Variants in MICAL3 observed in about 807,000 individuals in gnomAD.
MICAL3 encodes the protein microtubule associated monooxygenase, calponin and LIM domain containing 3.
Under a neutral mutation model 207.4 loss-of-function variants are expected in MICAL3, and 62 were observed. That is an observed-to-expected ratio of 0.30 (90% CI 0.24 to 0.37). The LOEUF (loss-of-function observed/expected upper bound fraction) is 0.37, where lower values mean the gene tolerates loss of function less well. MICAL3 is among the 10% of genes least tolerant of loss of function. The probability of loss-of-function intolerance (pLI) is 1.00; values close to 1 mark genes in which losing one functional copy is unlikely to be tolerated. For synonymous variants in MICAL3, 1,077 were observed against 1,069.3 expected, an observed-to-expected ratio of 1.01 and a Z score of -0.14; for missense variants, 2,368 against 2,635.6, an observed-to-expected ratio of 0.90 and a Z score of 2.22.
At chr22:17,809,054 G>A in intron 28 of MICAL3, 117 bp from the exon 29 acceptor site, 1 of 853,568 alleles carries the variant, frequency 1.2e-6, no homozygotes, top group South Asian at 1.7e-5. Context: ...AAGGGCTCTA[G>A]TCTGTGGGCG....
intron 1 of MICAL3, among the ~76,000 whole-genome samples, chr22:18,022,108 G>GT (rs1602412661): frequency 6.6e-6 from 1 of 152,106 alleles, no homozygotes; most frequent in African/African-American, 2.4e-5. Context: ...CTTAGTCATT[G>GT]TGAACTCGCT....
chr22:17,931,665 A>G (rs1240478155), intron 1 of MICAL3, among the ~76,000 whole-genome samples: 1 of 152,128 alleles, frequency 6.6e-6, no homozygotes, highest in Admixed American at 6.5e-5. Context: ...GCATCCCCAA[A>G]TGGGCAGAAA....
At position 17,902,824 on chromosome 22, in the gene MICAL3, C is replaced by T; in HGVS notation, c.473-77G>A. The T allele has an allele frequency of 2.4e-6, 2 of 837,906 alleles. No individual in the cohort carries two copies. Among genetic ancestry groups the T allele is most frequent in the Non-Finnish European group, 3.9e-6 (2 of 511,062 alleles). 51.9% of individuals were successfully genotyped at this position (837,906 alleles called of 1,614,324 possible). A position where few individuals can be genotyped will look rare whatever the true frequency, so the allele number is the denominator to read the frequency against. ...CCATCCGTGTCGCAGCTCAGGCTCC[C>T]ACCCCGCCACCTACGCCCCCTTCAT... is the stretch of plus-strand genomic sequence containing the variant. On this transcript the variant is annotated intron_variant, in intron 3 of 31. Coordinates refer to ENST00000441493, the MANE Select transcript of MICAL3 (RefSeq NM_015241.3). This position sits in a 1 kb window ranked among gnomAD's most constrained non-coding sequence, Gnocchi z 4.5.
intron 16 of MICAL3, among the ~76,000 whole-genome samples, chr22:17,877,356 G>A (rs1227617455): frequency 1.8e-5 from 2 of 112,860 alleles, no homozygotes; most frequent in Non-Finnish European, 3.4e-5. Context: ...GGTTAGGGAG[G>A]TTATGGAGGT....
chr22:17,855,998 G>C (rs1190799103), intron 19 of MICAL3, among the ~76,000 whole-genome samples: 1 of 152,244 alleles, frequency 6.6e-6, no homozygotes, highest in African/African-American at 2.4e-5. Flanking sequence ...TAACTCCTAT[G>C]TGCCTGTTTC....
At chr22:17,792,675 C>A (rs563453934) in intron 29 of MICAL3, among the ~76,000 whole-genome samples, 1 of 152,322 alleles carries the variant, frequency 6.6e-6, no homozygotes, top group South Asian at 2.1e-4. Flanking sequence ...CAGAAATGCA[C>A]CATGTTCAAC....
chr22:17,891,146 G>A (rs539762060), intron 12 of MICAL3, among the ~76,000 whole-genome samples: 41 of 152,116 alleles, frequency 2.7e-4, no homozygotes, highest in Non-Finnish European at 5.3e-4. Flanking sequence ...GAGTTCAACC[G>A]GGGCCAATAA....
chr22:17,883,269 G>A (rs1156678195), intron 16 of MICAL3, among the ~76,000 whole-genome samples: 1 of 152,190 alleles, frequency 6.6e-6, no homozygotes, highest in Non-Finnish European at 1.5e-5. Flanking sequence ...CTTCTGTCGT[G>A]AGTTTGGACA....
chr22:17,857,634 T>G (rs1011470530), intron 19 of MICAL3, among the ~76,000 whole-genome samples: 11 of 152,024 alleles, frequency 7.2e-5, no homozygotes, highest in African/African-American at 2.7e-4. Flanking sequence ...CAGAAAGAAA[T>G]AGAGATAAAG....
At chr22:17,958,332 CAG>C (rs1176997244) in intron 1 of MICAL3, among the ~76,000 whole-genome samples, 1 of 152,202 alleles carries the variant, frequency 6.6e-6, no homozygotes, top group African/African-American at 2.4e-5. Context: ...TAAAAACCGT[CAG>C]AGAGACTGAG....
At chr22:17,956,281 G>C (rs1077543) in intron 1 of MICAL3, among the ~76,000 whole-genome samples, 1 of 151,968 alleles carries the variant, frequency 6.6e-6, no homozygotes, top group Non-Finnish European at 1.5e-5. Context: ...ACAGACAGTT[G>C]CAGAAAGGGG....
intron 16 of MICAL3, among the ~76,000 whole-genome samples, chr22:17,879,899 C>A (rs186929016): frequency 9.2e-5 from 14 of 152,262 alleles, no homozygotes; most frequent in African/African-American, 3.1e-4. Context: ...GCATAATTTA[C>A]TAAAGGGAGA....
intron 1 of MICAL3, among the ~76,000 whole-genome samples, chr22:18,017,277 A>G (rs1924121196): frequency 6.6e-6 from 1 of 151,646 alleles, no homozygotes; most frequent in Non-Finnish European, 1.5e-5. Flanking sequence ...GCAATGGCGC[A>G]ATCTCGGCTC....
At chr22:17,915,275 G>A (rs1361399774) in intron 1 of MICAL3, among the ~76,000 whole-genome samples, 1 of 152,206 alleles carries the variant, frequency 6.6e-6, no homozygotes, top group Non-Finnish European at 1.5e-5. Context: ...CACAGCAGGT[G>A]CTCAATAAGG....
At chr22:17,949,665 T>A (rs1934238016) in intron 1 of MICAL3, among the ~76,000 whole-genome samples, 1 of 152,204 alleles carries the variant, frequency 6.6e-6, no homozygotes, top group South Asian at 2.1e-4. Context: ...ATGGGGACTG[T>A]CAGTCAATCT....
At position 17,789,667 on chromosome 22, in the gene MICAL3, A is replaced by C. The variant is rs1385632573; in HGVS notation, c.*1065T>G. The C allele has an allele frequency of 6.6e-6, 1 of 152,282 alleles. No individual in the cohort carries two copies. The highest frequency in any genetic ancestry group is 2.4e-5 in the African/African-American group (1 of 41,474). The allele number at this position is 152,282 out of a possible 1,614,324, so 9.4% of individuals were successfully genotyped here. A position where few individuals can be genotyped will look rare whatever the true frequency, so the allele number is the denominator to read the frequency against. On this transcript the variant is annotated 3_prime_UTR_variant, in exon 32 of 32. Coordinates refer to ENST00000441493, the MANE Select transcript of MICAL3 (RefSeq NM_015241.3). ...GCCAGTGATACGAAGAGAAAGGCTA[A>C]TAAATAGATGCACGTGAGGAGCACC...
intron 1 of MICAL3, among the ~76,000 whole-genome samples, chr22:18,014,116 GACACACAC>G (rs35404796): frequency 6.8e-6 from 1 of 147,934 alleles, no homozygotes; most frequent in Non-Finnish European, 1.5e-5. Context: ...CCCTCTCTTA[GACACACAC>G]ACACACACAC....
chr22:17,865,259 G>C (rs1331241719), intron 18 of MICAL3, among the ~76,000 whole-genome samples: 1 of 152,010 alleles, frequency 6.6e-6, no homozygotes, highest in Non-Finnish European at 1.5e-5. Context: ...TCAAAGTCTA[G>C]ATCCACCTAG....
At chr22:17,863,775 G>A (rs1001568167) in intron 19 of MICAL3, 2 of 985,338 alleles carry the variant, frequency 2.0e-6, no homozygotes, top group African/African-American at 3.5e-5. Flanking sequence ...GAAGGGAAAG[G>A]ATGCAACTCT....
Sources: allele counts gnomAD v4.1 joint callset (sites outside exome capture counted in the v4.1 genomes callset), GRCh38; gene constraint gnomAD v4.1.1; non-coding constraint Gnocchi (gnomAD v3.1); transcripts MANE v1.5; gene names NCBI Gene and HGNC (gene_info 2026-07-23, HGNC 2026-07-21).